The following MAGI1 variants were observed in gnomAD, a reference collection of about 807,000 sequenced individuals.
MAGI1 encodes membrane-associated guanylate kinase, WW and PDZ domain-containing protein 1.
A neutral mutation model predicts 139.9 loss-of-function variants in MAGI1; 58 were observed. That is an observed-to-expected ratio of 0.41 (90% CI 0.34 to 0.52). The LOEUF is 0.52. MAGI1 is among the 20% of genes least tolerant of loss of function. The pLI, the probability that MAGI1 is intolerant of heterozygous loss-of-function variation, is 0.12. For missense variants in MAGI1, 1,874 were observed against 1,901.6 expected (o/e 0.99, Z 0.27); for synonymous variants, 812 against 737.9 (o/e 1.10, Z -1.63).
chr3:65,940,617 T>C (rs1026717627), intron 1 of MAGI1, among the ~76,000 whole-genome samples: 4 of 152,218 alleles, frequency 2.6e-5, no homozygotes, highest in East Asian at 3.8e-4. Context: ...TTTCAACATA[T>C]AAATTTTGGG....
At position 65,848,629 on chromosome 3, in the gene MAGI1, A is replaced by G. The variant is rs1011207632; in HGVS notation, c.313+189367T>C. 1.3e-5 allele frequency among the ~76,000 whole-genome samples: 2 copies of G among 151,696 alleles called. 1 individual carries two copies. Among genetic ancestry groups the G allele is most frequent in the Admixed American group, 1.3e-4 (2 of 15,224 alleles). ...TAAGCTGAGAGTTTTCACTGAAGGG[A>G]AGAAACTGATTTTACAATTAATTAA... On this transcript the variant is annotated intron_variant, in intron 1 of 22. Coordinates refer to ENST00000402939, the MANE Select transcript of MAGI1 (RefSeq NM_001033057.2).
intron 1 of MAGI1, among the ~76,000 whole-genome samples, chr3:66,014,001 C>T (rs1010647210): frequency 1.3e-5 from 2 of 152,152 alleles, no homozygotes; most frequent in African/African-American, 4.8e-5. Context: ...CATAATGTAT[C>T]AGGGCCATCT....
rs144745135 is a variant in MAGI1 at position 65,361,311 on chromosome 3, A to G, written c.3522T>C (p.Asn1174=). The change falls in exon 22 of 23, where the codon AAT becomes AAC. Residue 1174 remains asparagine, a synonymous_variant. Coordinates refer to ENST00000402939, the MANE Select transcript of MAGI1 (RefSeq NM_001033057.2). ...GCTTCATGTTTTTGGTGGTCTCACC[A>G]TTGATCTCTAAAATTTCATCACCAA... is the stretch of plus-strand genomic sequence containing the variant. ...MRIGDEILEI[N]GETTKNMKHS... 2.2e-4 allele frequency: 348 copies of G among 1,613,974 alleles called. 12 individuals are homozygous for G. The East Asian group carries it at 7.7e-3, about 36-fold the overall frequency.
chr3:65,738,236 G>A (rs963352849), intron 1 of MAGI1, among the ~76,000 whole-genome samples: 2 of 152,250 alleles, frequency 1.3e-5, no homozygotes, highest in South Asian at 2.1e-4. Context: ...AAATTTTTTG[G>A]TTTTCCAGCA....
At chr3:65,425,019 T>C (rs1009791646) in intron 12 of MAGI1, among the ~76,000 whole-genome samples, 1 of 148,786 alleles carries the variant, frequency 6.7e-6, no homozygotes, top group Non-Finnish European at 1.5e-5. Context: ...GAGGTTGTGA[T>C]GGGCCATGAT....
chr3:65,625,034 A>G (rs969377769), intron 1 of MAGI1, among the ~76,000 whole-genome samples: 4 of 152,174 alleles, frequency 2.6e-5, no homozygotes, highest in East Asian at 1.9e-4. Context: ...CACCACGCGC[A>G]GCGAGTTTTC....
At chr3:65,854,981 T>A (rs528348276) in intron 1 of MAGI1, among the ~76,000 whole-genome samples, 3 of 152,352 alleles carry the variant, frequency 2.0e-5, no homozygotes, top group African/African-American at 7.2e-5. Flanking sequence ...AATAACTACG[T>A]ACAACATCTG....
intron 1 of MAGI1, among the ~76,000 whole-genome samples, chr3:65,954,921 A>C (rs2064039358): frequency 6.6e-6 from 1 of 152,200 alleles, no homozygotes; most frequent in African/African-American, 2.4e-5. Context: ...CATAACCCTC[A>C]TAACAAAAGA....
chr3:65,640,150 G>A (rs1293915831), intron 1 of MAGI1, among the ~76,000 whole-genome samples: 1 of 151,988 alleles, frequency 6.6e-6, no homozygotes, highest in African/African-American at 2.4e-5. Context: ...AGCTTGTCAT[G>A]TGCAGGTCTT....
intron 5 of MAGI1, among the ~76,000 whole-genome samples, chr3:65,456,092 C>A (rs187037229): frequency 8.9e-4 from 135 of 152,330 alleles, no homozygotes; most frequent in Non-Finnish European, 1.4e-3. Context: ...TTCTTAGGAA[C>A]TGTTTTCTAG....
intron 1 of MAGI1, among the ~76,000 whole-genome samples, chr3:65,797,375 T>C (rs1213267144): frequency 6.6e-6 from 1 of 152,184 alleles, no homozygotes; most frequent in Non-Finnish European, 1.5e-5. Flanking sequence ...ATTACTCTGA[T>C]CTATGTATGG....
At chr3:65,622,609 G>A (rs2083744029) in intron 1 of MAGI1, among the ~76,000 whole-genome samples, 1 of 151,770 alleles carries the variant, frequency 6.6e-6, no homozygotes, top group African/African-American at 2.4e-5. Flanking sequence ...TGTCACCCAG[G>A]CTGGAGTGCG....
chr3:65,431,805 G>A (rs1293851472), intron 10 of MAGI1, among the ~76,000 whole-genome samples: 1 of 151,600 alleles, frequency 6.6e-6, no homozygotes, highest in African/African-American at 2.4e-5. Flanking sequence ...GGCCAACATA[G>A]TGAAATCCTG....
chr3:65,780,289 G>A (rs1195385617), intron 1 of MAGI1, among the ~76,000 whole-genome samples: 4 of 152,196 alleles, frequency 2.6e-5, no homozygotes, highest in African/African-American at 9.7e-5. Flanking sequence ...CTCCCAAAGT[G>A]CTGGGATTAC....
chr3:65,533,401 C>T (rs779451796), intron 2 of MAGI1, among the ~76,000 whole-genome samples: 21 of 152,262 alleles, frequency 1.4e-4, no homozygotes, highest in South Asian at 4.1e-4. Flanking sequence ...GTAACTTTTG[C>T]GTTGTGTTTA....
At chr3:65,866,915 A>G (rs1056644814) in intron 1 of MAGI1, among the ~76,000 whole-genome samples, 3 of 152,198 alleles carry the variant, frequency 2.0e-5, no homozygotes, top group Admixed American at 2.0e-4. Context: ...ACTGTGGTCA[A>G]TCAGCTGGAC....
chr3:65,723,321 T>A (rs541450431), intron 1 of MAGI1, among the ~76,000 whole-genome samples: 9 of 152,126 alleles, frequency 5.9e-5, no homozygotes, highest in Non-Finnish European at 1.2e-4. Context: ...AGAAAAGAGC[T>A]ACATCACCAA....
chr3:65,553,145 G>A (rs1274383994), intron 2 of MAGI1, among the ~76,000 whole-genome samples: 1 of 151,352 alleles, frequency 6.6e-6, no homozygotes, highest in East Asian at 1.9e-4. Context: ...CTGAGTTGTT[G>A]GTTTTTTTTT....
chr3:65,458,673 G>C (rs544606697), intron 5 of MAGI1, among the ~76,000 whole-genome samples: 2 of 152,084 alleles, frequency 1.3e-5, no homozygotes, highest in East Asian at 3.9e-4. Context: ...TTTTTCCATA[G>C]AGTTGCTTGA....
Sources: allele counts gnomAD v4.1 joint callset (sites outside exome capture counted in the v4.1 genomes callset), GRCh38; gene constraint gnomAD v4.1.1; transcripts MANE v1.5; gene names NCBI Gene and HGNC (gene_info 2026-07-23, HGNC 2026-07-21).